SLFNL1: variants seen among roughly 807,000 people sequenced by gnomAD.
The protein encoded by SLFNL1 is schlafen-like protein 1.
A neutral mutation model predicts 32.5 loss-of-function variants in SLFNL1; 26 were observed. That is an observed-to-expected ratio of 0.80 (90% CI 0.59 to 1.11). The LOEUF is 1.11. Among genes scored for constraint, SLFNL1 ranks in the 50% least tolerant of loss-of-function variants. SLFNL1 has a pLI of 0.00. For missense variants in SLFNL1, 553 were observed against 546.5 expected (o/e 1.01, Z -0.12); for synonymous variants, 255 against 242.2 (o/e 1.05, Z -0.49).
intron 5 of SLFNL1, 161 bp from the exon 6 acceptor site, chr1:41,016,389 A>G: frequency 8.9e-7 from 1 of 1,123,676 alleles, no homozygotes; most frequent in Non-Finnish European, 1.2e-6. Flanking sequence ...GCCACCTTCA[A>G]CCGTGTCAGC....
rs906203866 is a variant in SLFNL1, at chr1:41,018,147, CCTCCTT to C, written c.439_444del (p.Lys147_Glu148del). The C allele has an allele frequency of 6.1e-6, 9 of 1,487,148 alleles. No homozygotes were observed. The highest frequency in any genetic ancestry group is 1.7e-4 in the Middle Eastern group (1 of 5,720). The allele number at this position is 1,487,148 out of a possible 1,614,324, so 92.1% of individuals were successfully genotyped here. ...CTCAGGCCACTGTCCTCCTCCTCCT[CCTCCTT>C]CTCCTAGGGTGGTAGTCAAGAATGA... On this transcript the variant is annotated inframe_deletion, in exon 4 of 6. Coordinates refer to ENST00000302946, the MANE Select transcript of SLFNL1 (RefSeq NM_144990.4).
chr1:41,018,955 T>A (rs1643604740), intron 3 of SLFNL1, among the ~76,000 whole-genome samples: 1 of 147,552 alleles, frequency 6.8e-6, no homozygotes, highest in African/African-American at 2.5e-5. Context: ...TTCTCCTGCC[T>A]CAGCCTCCCG....
At chr1:41,019,937 C>T (rs776373885) in intron 3 of SLFNL1, among the ~76,000 whole-genome samples, 1 of 152,216 alleles carries the variant, frequency 6.6e-6, no homozygotes, top group Non-Finnish European at 1.5e-5. Context: ...CTTCTAGGGT[C>T]TCCCAGGCCC....
In SLFNL1 at chr1:41,017,029, A is replaced by G. The variant is rs1272555488; in HGVS notation, c.1101+205T>C. The G allele has an allele frequency of 1.1e-5, 6 of 555,690 alleles. No individual in the cohort carries two copies. The highest frequency in any genetic ancestry group is 9.5e-5 in the East Asian group (3 of 31,610). The allele number at this position is 555,690 out of a possible 1,614,324, so 34.4% of individuals were successfully genotyped here. ...GGCCACTGCATAGATTTTTAAAAGGAGAGAGCTTGGGCCTCTTCCTTCCCA... is the reference window on the plus strand; with the variant it reads ...GGCCACTGCATAGATTTTTAAAAGGGGAGAGCTTGGGCCTCTTCCTTCCCA... On this transcript the variant is annotated intron_variant, in intron 5 of 5. Coordinates refer to ENST00000302946, the MANE Select transcript of SLFNL1 (RefSeq NM_144990.4). The surrounding 1 kb of genome is among the most constrained non-coding windows in gnomAD (Gnocchi z 4.9).
rs1277804653 is a variant in SLFNL1 at position 41,016,024 on chromosome 1, C to T, written c.*82G>A. ...CTCTCAGCAGCCCGCATGGGCTTTACTGGTTGGCCTTACACTCAAACAGGA... is the reference window on the plus strand; with the variant it reads ...CTCTCAGCAGCCCGCATGGGCTTTATTGGTTGGCCTTACACTCAAACAGGA... On this transcript the variant is annotated 3_prime_UTR_variant, in exon 6 of 6. Coordinates refer to ENST00000302946, the MANE Select transcript of SLFNL1 (RefSeq NM_144990.4). 1 of 1,526,660 alleles carries T rather than the reference C, an allele frequency of 6.6e-7. No individual in the cohort carries two copies. Among genetic ancestry groups the T allele is most frequent in the Non-Finnish European group, 8.8e-7 (1 of 1,133,838 alleles). The allele number at this position is 1,526,660 out of a possible 1,614,324, so 94.6% of individuals were successfully genotyped here.
chr1:41,016,126 A>G lies in SLFNL1; in HGVS notation c.1204T>C (p.Cys402Arg). The change falls in exon 6 of 6, where the codon TGC becomes CGC. Residue 402 changes from cysteine to arginine, a missense_variant. Cys to Arg is a radical substitution (Grantham distance 180, BLOSUM62 -3). Coordinates refer to ENST00000302946, the MANE Select transcript of SLFNL1 (RefSeq NM_144990.4). The stretch of plus-strand genomic sequence containing the variant: ...GGCCCTCACAGGACACAGCAGGTGC[A>G]GGACACAGGCCCGTGCTGCTGCAGC... ...QQLQQHGPVS[C>R]TCCVL 6.2e-7 allele frequency: 1 copy of G among 1,614,022 alleles called. No individual in the cohort carries two copies.
At chr1:41,018,995 A>G (rs1643611324) in intron 3 of SLFNL1, among the ~76,000 whole-genome samples, 2 of 150,964 alleles carry the variant, frequency 1.3e-5, no homozygotes, top group Non-Finnish European at 3.0e-5. Context: ...GCCCGCCACC[A>G]CGCCCGGCTA....
At chr1:41,020,078 G>C in intron 3 of SLFNL1, 148 bp downstream of exon 3, 1 of 789,302 alleles carries the variant, frequency 1.3e-6, no homozygotes. Context: ...CGCAAGCCAT[G>C]GTCATTTGAG....
At chr1:41,020,842 C>G (rs1643780551) in intron 2 of SLFNL1, 22 bp downstream of exon 2, 4 of 612,462 alleles carry the variant, frequency 6.5e-6, no homozygotes, top group Admixed American at 5.9e-5. Flanking sequence ...AGAGGGCAAG[C>G]AGGAAAGGGC....
At chr1:41,016,316 G>A (rs550827803) in intron 5 of SLFNL1, 88 bp from the exon 6 acceptor site, 8 of 1,548,606 alleles carry the variant, frequency 5.2e-6, no homozygotes, top group Non-Finnish European at 7.0e-6. Flanking sequence ...GAGGGAGGAA[G>A]GCAAAGCCCA....
intron 3 of SLFNL1, among the ~76,000 whole-genome samples, chr1:41,018,869 C>T (rs1185645317): frequency 1.2e-4 from 17 of 144,266 alleles, no homozygotes; most frequent in African/African-American, 3.9e-4. Context: ...AGAGTCTCGC[C>T]CTGTCACCCA....
intron 1 of SLFNL1, 24 bp from the exon 2 acceptor site, chr1:41,020,894 G>A (rs984758234): frequency 8.8e-6 from 5 of 566,196 alleles, no homozygotes; most frequent in South Asian, 4.4e-5. Flanking sequence ...GCAGAGTCAC[G>A]TGGACTGAGC....
intron 5 of SLFNL1, chr1:41,016,714 A>ATT: frequency 6.9e-6 from 1 of 145,534 alleles, no homozygotes; most frequent in East Asian, 2.0e-4. Flanking sequence ...ACTGCATAGG[A>ATT]TTTTTTTTTT....
chr1:41,017,437 C>A lies in SLFNL1; in HGVS notation c.958-60G>T. The stretch of plus-strand genomic sequence containing the variant: ...CCCCTCACGGTCGGCAGCCCCCATC[C>A]TGCCAGGCTGCTCAGCATTGCTCAC... On this transcript the variant is annotated intron_variant, in intron 4 of 5. Transcript: ENST00000302946. The surrounding 1 kb of genome is among the most constrained non-coding windows in gnomAD (Gnocchi z 4.9). The A allele has an allele frequency of 6.3e-7, 1 of 1,577,860 alleles. No homozygotes were observed. The highest frequency in any genetic ancestry group is 8.6e-7 in the Non-Finnish European group (1 of 1,162,680).
intron 3 of SLFNL1, among the ~76,000 whole-genome samples, chr1:41,019,257 T>C (rs1044597202): frequency 6.6e-6 from 1 of 152,158 alleles, no homozygotes; most frequent in African/African-American, 2.4e-5. Flanking sequence ...AAGATGAATT[T>C]ATCAGTCTTA....
rs533298236 is a variant in SLFNL1, at chr1:41,017,380, T to C, written c.958-3A>G. 2 of 1,612,146 alleles carry C rather than the reference T, an allele frequency of 1.2e-6. No homozygotes were observed. The highest frequency in any genetic ancestry group is 2.2e-5 in the South Asian group (2 of 90,966). On this transcript the variant is annotated splice_polypyrimidine_tract_variant and splice_region_variant and intron_variant, in intron 4 of 5. Transcript: ENST00000302946. This position sits in a 1 kb window ranked among gnomAD's most constrained non-coding sequence, Gnocchi z 4.9. ...GTGTGCACGGTCAGGCGGATCACCT[T>C]GGTAGGGGCAACAGCAGCTCTGGAG...
At chr1:41,016,270 T>C in intron 5 of SLFNL1, 42 bp from the exon 6 acceptor site, 1 of 1,604,776 alleles carries the variant, frequency 6.2e-7, no homozygotes, top group African/African-American at 1.3e-5. Context: ...GCCCGCCTGG[T>C]CTCGGGCCTG....
chr1:41,017,820 G>C lies in SLFNL1; in HGVS notation c.772C>G (p.Leu258Val). The part of the protein sequence containing the change: ...CAFLNSEGGS[L>V]LVGVEDSGLV... The stretch of plus-strand genomic sequence containing the variant: ...CCGCTGTCCTCTACTCCCACGAGCA[G>C]GCTGCCGCCCTCGCTGTTGAGGAAG... Residue 258 changes from leucine (L) to valine (V), a missense_variant, in exon 4 of 6, where the codon CTG (leucine) becomes GTG (valine). By Grantham distance (32) the Leu-to-Val change is conservative. Transcript: ENST00000302946. This position sits in a 1 kb window ranked among gnomAD's most constrained non-coding sequence, Gnocchi z 4.9. 1 of 1,598,976 alleles carries C rather than the reference G, an allele frequency of 6.3e-7. No homozygotes were observed. Among genetic ancestry groups the C allele is most frequent in the Non-Finnish European group, 8.6e-7 (1 of 1,169,156 alleles).
Position 41,016,017 on chromosome 1 carries a change from G to A in SLFNL1, c.*89C>T, listed in dbSNP as rs1227993876. On this transcript the variant is annotated 3_prime_UTR_variant, in exon 6 of 6. Coordinates refer to ENST00000302946, the MANE Select transcript of SLFNL1 (RefSeq NM_144990.4). ...TGTCCGCCTCTCAGCAGCCCGCATG[G>A]GCTTTACTGGTTGGCCTTACACTCA... 1.3e-6 allele frequency: 2 copies of A among 1,511,910 alleles called. No homozygotes were observed. The highest frequency in any genetic ancestry group is 1.8e-6 in the Non-Finnish European group (2 of 1,124,320). 93.7% of individuals were successfully genotyped at this position (1,511,910 alleles called of 1,614,324 possible). A position where few individuals can be genotyped will look rare whatever the true frequency, so the allele number is the denominator to read the frequency against.
Sources: allele counts gnomAD v4.1 joint callset (sites outside exome capture counted in the v4.1 genomes callset), GRCh38; gene constraint gnomAD v4.1.1; non-coding constraint Gnocchi (gnomAD v3.1); transcripts MANE v1.5; gene names NCBI Gene and HGNC (gene_info 2026-07-23, HGNC 2026-07-21).